RAD18: variants seen among roughly 807,000 people sequenced by gnomAD.
The protein encoded by RAD18 is RAD18 E3 ubiquitin protein ligase, also known as E3 ubiquitin-protein ligase RAD18.
RAD18 carries 47 observed loss-of-function variants against 60.4 expected under a neutral mutation model. The observed-to-expected ratio is 0.78, with a 90% CI of 0.62 to 0.99. The LOEUF (loss-of-function observed/expected upper bound fraction) is 0.99, where lower values mean the gene tolerates loss of function less well. Among genes scored for constraint, RAD18 ranks in the 50% least tolerant of loss-of-function variants. The probability of loss-of-function intolerance (pLI) is 0.00; values close to 1 mark genes in which losing one functional copy is unlikely to be tolerated. For missense variants in RAD18, 640 were observed against 593.3 expected, an observed-to-expected ratio of 1.08 and a Z score of -0.82; for synonymous variants, 225 against 195.5, an observed-to-expected ratio of 1.15 and a Z score of -1.26.
chr3:8,926,053 T>A, intron 7 of RAD18, among the ~76,000 whole-genome samples: 1 of 151,876 alleles, frequency 6.6e-6, no homozygotes, highest in Non-Finnish European at 1.5e-5. Context: ...TGTTGGAAGT[T>A]CTGGCCAGGG....
intron 2 of RAD18, among the ~76,000 whole-genome samples, chr3:8,956,218 G>A (rs144628908): frequency 0.013 from 1,996 of 152,084 alleles, 17 homozygotes; most frequent in Non-Finnish European, 0.02. Context: ...TGTCATATCC[G>A]AATTGCCAGC....
intron 7 of RAD18, among the ~76,000 whole-genome samples, chr3:8,922,109 G>A (rs1379169229): frequency 6.6e-6 from 1 of 152,172 alleles, no homozygotes; most frequent in Non-Finnish European, 1.5e-5. Flanking sequence ...TGGGAGCGGT[G>A]CACCGGGAGT....
rs1939844754 is a variant in RAD18, at chr3:8,898,794, T to A, written c.1322+100A>T. The A allele has an allele frequency of 3.8e-6, 4 of 1,039,070 alleles. No homozygotes were observed. In the South Asian group the frequency reaches 7.5e-5, roughly 20 times the overall value. The allele number at this position is 1,039,070 out of a possible 1,614,324, so 64.4% of individuals were successfully genotyped here. ...ACTGAAATGTAAGAGTGACACACCA[T>A]GCCATGCCTCAAAGCTACATTCTAA... On this transcript the variant is annotated intron_variant, in intron 11 of 12. Transcript: ENST00000264926.
chr3:8,953,507 T>G (rs1559801056), intron 2 of RAD18, among the ~76,000 whole-genome samples: 2 of 152,180 alleles, frequency 1.3e-5, no homozygotes, highest in Non-Finnish European at 2.9e-5. Context: ...TAATTTATTC[T>G]CTAGTGGGCA....
intron 9 of RAD18, among the ~76,000 whole-genome samples, chr3:8,907,270 T>C (rs149940318): frequency 1.3e-5 from 2 of 152,170 alleles, no homozygotes; most frequent in Non-Finnish European, 2.9e-5. Context: ...CTATTTCATA[T>C]GTTTTGTACA....
intron 4 of RAD18, among the ~76,000 whole-genome samples, chr3:8,943,862 T>C (rs1940796463): frequency 6.6e-6 from 1 of 152,228 alleles, no homozygotes; most frequent in Non-Finnish European, 1.5e-5. Context: ...GGGAAAATTA[T>C]TGAAAATAGA....
chr3:8,916,992 T>C (rs1310511310), intron 7 of RAD18, among the ~76,000 whole-genome samples: 1 of 151,812 alleles, frequency 6.6e-6, no homozygotes, highest in Non-Finnish European at 1.5e-5. Context: ...ATTTCAAAGA[T>C]CAAGCAACAC....
intron 12 of RAD18, among the ~76,000 whole-genome samples, chr3:8,889,829 TA>T (rs1939652820): frequency 6.6e-6 from 1 of 152,094 alleles, no homozygotes; most frequent in South Asian, 2.1e-4. Context: ...GAGGGATGAG[TA>T]ACAGTGATCA....
chr3:8,938,206 C>A (rs11919126), intron 6 of RAD18, among the ~76,000 whole-genome samples: 16 of 152,044 alleles, frequency 1.1e-4, no homozygotes, highest in African/African-American at 3.9e-4. Flanking sequence ...ACAAACTTAC[C>A]CACTAGGTGG....
intron 7 of RAD18, among the ~76,000 whole-genome samples, chr3:8,932,033 G>T (rs602596): frequency 0.7 from 107,071 of 152,090 alleles, 38,126 homozygotes; most frequent in Middle Eastern, 0.78. Flanking sequence ...ATATAAAAGC[G>T]AAAATTATAA....
At position 8,906,257 on chromosome 3, in the gene RAD18, AG is replaced by A. The variant is rs577896920; in HGVS notation, c.1028-3738del. ...AAATTTATCTCTCACTGTGGGTTGT[AG>A]TCAAAAAGGTCAGAAAGCCACTGAG... On this transcript the variant is annotated intron_variant, in intron 9 of 12. Transcript: ENST00000264926. Among the ~76,000 whole-genome samples the A allele has an allele frequency of 2.7e-4, 41 of 152,312 alleles. No homozygotes were observed. The East Asian group carries it at 7.7e-3, about 29-fold the overall frequency.
intron 9 of RAD18, among the ~76,000 whole-genome samples, chr3:8,909,934 C>T (rs1253090122): frequency 6.6e-6 from 1 of 152,220 alleles, no homozygotes; most frequent in Non-Finnish European, 1.5e-5. Flanking sequence ...GACAAGCTTG[C>T]ATACACCGTT....
chr3:8,919,108 T>C (rs911613626), intron 7 of RAD18, among the ~76,000 whole-genome samples: 7 of 152,202 alleles, frequency 4.6e-5, no homozygotes, highest in African/African-American at 1.7e-4. Flanking sequence ...CAGTGTGGAA[T>C]ATCAGGTATT....
At chr3:8,921,355 C>T (rs1406525505) in intron 7 of RAD18, among the ~76,000 whole-genome samples, 1 of 152,178 alleles carries the variant, frequency 6.6e-6, no homozygotes, top group African/African-American at 2.4e-5. Flanking sequence ...ATCTGCACTA[C>T]AAGAAATATT....
intron 9 of RAD18, among the ~76,000 whole-genome samples, chr3:8,904,448 T>C (rs752683219): frequency 9.9e-5 from 15 of 152,202 alleles, no homozygotes; most frequent in Admixed American, 4.6e-4. Flanking sequence ...GTATGGTACA[T>C]GTATGAAAAC....
At chr3:8,947,917 AC>A (rs1177523148) in intron 3 of RAD18, among the ~76,000 whole-genome samples, 15 of 152,210 alleles carry the variant, frequency 9.9e-5, no homozygotes, top group African/African-American at 3.6e-4. Flanking sequence ...GAGAGGCAAA[AC>A]TAACCAAACT....
intron 9 of RAD18, among the ~76,000 whole-genome samples, chr3:8,910,600 C>CA (rs35992206): frequency 0.052 from 5,854 of 112,296 alleles, 165 homozygotes; most frequent in Non-Finnish European, 0.077. Context: ...GCCTCCATCT[C>CA]AAAAAAAAAA....
At chr3:8,905,187 T>G (rs776562145) in intron 9 of RAD18, among the ~76,000 whole-genome samples, 1 of 152,252 alleles carries the variant, frequency 6.6e-6, no homozygotes, top group Non-Finnish European at 1.5e-5. Context: ...AAGTTTTAAG[T>G]GGCTCAGCTA....
chr3:8,937,236 C>A (rs969091596), intron 6 of RAD18, among the ~76,000 whole-genome samples: 1 of 152,142 alleles, frequency 6.6e-6, no homozygotes, highest in Non-Finnish European at 1.5e-5. Flanking sequence ...TGATTCATTA[C>A]GTCTGTATCT....
Sources: allele counts gnomAD v4.1 joint callset (sites outside exome capture counted in the v4.1 genomes callset), GRCh38; gene constraint gnomAD v4.1.1; transcripts MANE v1.5; gene names NCBI Gene and HGNC (gene_info 2026-07-23, HGNC 2026-07-21).